PTPRC: variants seen among roughly 807,000 people sequenced by gnomAD.
PTPRC encodes the protein protein tyrosine phosphatase receptor type C.
Under a neutral mutation model 155.9 loss-of-function variants are expected in PTPRC, and 44 were observed. The observed-to-expected ratio is 0.28, with a 90% CI of 0.22 to 0.36. The LOEUF is 0.36. PTPRC is among the 10% of genes least tolerant of loss of function. PTPRC has a pLI of 1.00. For missense variants in PTPRC, 1,401 were observed against 1,564.6 expected (o/e 0.90, Z 1.76); for synonymous variants, 525 against 533.1 (o/e 0.98, Z 0.21).
chr1:198,714,035 A>G (rs1653442400), intron 12 of PTPRC, among the ~76,000 whole-genome samples: 1 of 152,234 alleles, frequency 6.6e-6, no homozygotes, highest in African/African-American at 2.4e-5. Context: ...AAATAAATAT[A>G]TACTATATAT....
chr1:198,671,155 T>C (rs995790795), intron 2 of PTPRC, among the ~76,000 whole-genome samples: 2 of 144,610 alleles, frequency 1.4e-5, no homozygotes, highest in East Asian at 2.0e-4. Context: ...CAGTCTACAC[T>C]CTCACTTTTC....
intron 2 of PTPRC, among the ~76,000 whole-genome samples, chr1:198,650,507 C>CT (rs1334200583): frequency 6.6e-6 from 1 of 151,750 alleles, no homozygotes; most frequent in African/African-American, 2.4e-5. Context: ...TAGAGAATGA[C>CT]TTTTTTTCCC....
intron 5 of PTPRC, among the ~76,000 whole-genome samples, chr1:198,701,734 A>C (rs976325490): frequency 6.6e-6 from 1 of 152,196 alleles, no homozygotes; most frequent in Non-Finnish European, 1.5e-5. Flanking sequence ...TGTAATGTGG[A>C]GTTTGTTGGA....
chr1:198,676,791 A>C (rs761051900), intron 2 of PTPRC, among the ~76,000 whole-genome samples: 5 of 152,190 alleles, frequency 3.3e-5, no homozygotes, highest in Admixed American at 6.5e-5. Flanking sequence ...TATTCAACTT[A>C]AGGGGCACAC....
intron 26 of PTPRC, among the ~76,000 whole-genome samples, chr1:198,745,710 T>C (rs556087946): frequency 6.6e-6 from 1 of 151,850 alleles, no homozygotes; most frequent in African/African-American, 2.4e-5. Context: ...ATGCAGATAG[T>C]TGAGTTAAAC....
chr1:198,660,780 T>C (rs1408883770), intron 2 of PTPRC: 1 of 152,300 alleles, frequency 6.6e-6, no homozygotes, highest in East Asian at 1.9e-4. Context: ...TTTCATTAGA[T>C]AATCTACCAC....
At chr1:198,745,394 T>C (rs1176272840) in intron 26 of PTPRC, among the ~76,000 whole-genome samples, 5 of 151,640 alleles carry the variant, frequency 3.3e-5, no homozygotes, top group Non-Finnish European at 5.9e-5. Context: ...GTAAATTTGG[T>C]ATTGGGAAGT....
chr1:198,742,036 A>T lies in PTPRC; in HGVS notation c.2561+10A>T, dbSNP rs1209485275. On this transcript the variant is annotated intron_variant, in intron 24 of 32. Coordinates refer to ENST00000442510, the MANE Select transcript of PTPRC (RefSeq NM_002838.5). ...TTGTGGTGCACTGCAGGTAGGAAAAACGAACAAAAAAAAAAAACAACAACA... is the reference window on the plus strand; with the variant it reads ...TTGTGGTGCACTGCAGGTAGGAAAATCGAACAAAAAAAAAAAACAACAACA... 1 of 1,608,682 alleles carries T rather than the reference A, an allele frequency of 6.2e-7. No homozygotes were observed. Among genetic ancestry groups the T allele is most frequent in the African/African-American group, 1.3e-5 (1 of 74,322 alleles).
chr1:198,642,900 C>CTTCCTTTCT (rs1553229190), intron 2 of PTPRC, among the ~76,000 whole-genome samples: 1 of 82,344 alleles, frequency 1.2e-5, no homozygotes, highest in African/African-American at 4.5e-5. Context: ...TCTTTTCTTT[C>CTTCCTTTCT]TTTCTTCCTT....
intron 2 of PTPRC, among the ~76,000 whole-genome samples, chr1:198,641,250 A>G (rs940564678): frequency 6.6e-6 from 1 of 152,072 alleles, no homozygotes; most frequent in African/African-American, 2.4e-5. Context: ...AAGTTGCAAG[A>G]AACATTTTGT....
At chr1:198,729,673 GGTACT>G (rs1654300901) in intron 17 of PTPRC, among the ~76,000 whole-genome samples, 1 of 152,192 alleles carries the variant, frequency 6.6e-6, no homozygotes, top group Non-Finnish European at 1.5e-5. Context: ...CATTGTGCCA[GGTACT>G]GAGAGTACTA....
chr1:198,668,795 C>T (rs1294643122), intron 2 of PTPRC, among the ~76,000 whole-genome samples: 2 of 152,078 alleles, frequency 1.3e-5, no homozygotes, highest in Non-Finnish European at 2.9e-5. Context: ...TTGGGGAATC[C>T]ATTTCTTCCT....
intron 2 of PTPRC, among the ~76,000 whole-genome samples, chr1:198,660,206 G>T (rs1381789099): frequency 1.3e-5 from 2 of 151,516 alleles, no homozygotes; most frequent in African/African-American, 4.8e-5. Context: ...CATTGTATGA[G>T]TTTCCTTTCA....
At chr1:198,643,757 TG>T (rs1662777236) in intron 2 of PTPRC, among the ~76,000 whole-genome samples, 1 of 151,886 alleles carries the variant, frequency 6.6e-6, no homozygotes. Flanking sequence ...AAGCAAGGAA[TG>T]GGAGGGAAAT....
chr1:198,735,461 G>T (rs1306508419), intron 23 of PTPRC, among the ~76,000 whole-genome samples: 1 of 151,200 alleles, frequency 6.6e-6, no homozygotes, highest in South Asian at 2.1e-4. Flanking sequence ...CAAATCGAAA[G>T]AATTATACTG....
At chr1:198,724,545 T>C (rs543070650) in intron 15 of PTPRC, among the ~76,000 whole-genome samples, 2 of 152,104 alleles carry the variant, frequency 1.3e-5, no homozygotes, top group African/African-American at 4.8e-5. Flanking sequence ...ACAAAAAAAA[T>C]TTTTATTCTG....
At chr1:198,675,534 G>T (rs1485301027) in intron 2 of PTPRC, among the ~76,000 whole-genome samples, 2 of 152,072 alleles carry the variant, frequency 1.3e-5, no homozygotes, top group Non-Finnish European at 2.9e-5. Context: ...TGCAAAAAGT[G>T]ATAAATCTAT....
intron 2 of PTPRC, among the ~76,000 whole-genome samples, chr1:198,691,280 C>T (rs1665910738): frequency 6.6e-6 from 1 of 152,054 alleles, no homozygotes; most frequent in South Asian, 2.1e-4. Context: ...CATGAAATCT[C>T]AAGCAAATTC....
intron 2 of PTPRC, among the ~76,000 whole-genome samples, chr1:198,687,903 G>T (rs761129038): frequency 6.6e-6 from 1 of 151,320 alleles, no homozygotes; most frequent in African/African-American, 2.4e-5. Flanking sequence ...TTTTTTTCAG[G>T]CACGAAAACA....
Sources: gnomAD v4.1 joint callset for allele counts (sites outside exome capture counted in the v4.1 genomes callset) on GRCh38, gnomAD v4.1.1 for gene constraint, MANE v1.5 for transcripts, NCBI Gene and HGNC (gene_info 2026-07-23, HGNC 2026-07-21) for gene names.